Variants in ERRFI1 observed in about 807,000 individuals in gnomAD.
ERRFI1 encodes the protein ERBB receptor feedback inhibitor 1.
In ERRFI1, 12 loss-of-function variants were observed where a neutral mutation model predicts 14.6. The ratio of observed to expected loss-of-function variants is 0.82; its 90% CI spans 0.53 to 1.33. The LOEUF (loss-of-function observed/expected upper bound fraction) is 1.33, where lower values mean the gene tolerates loss of function less well. ERRFI1 is among the 40% of genes most tolerant of loss of function. ERRFI1 has a pLI of 0.00. For synonymous variants in ERRFI1, 202 were observed against 209.9 expected (o/e 0.96, Z 0.32); for missense variants, 482 against 572.1 (o/e 0.84, Z 1.61).
In ERRFI1 at chr1:8,012,827, C is replaced by T. The variant is rs1641105202; in HGVS notation, c.*383G>A. On this transcript the variant is annotated 3_prime_UTR_variant, in exon 4 of 4. Coordinates refer to ENST00000377482, the MANE Select transcript of ERRFI1 (RefSeq NM_018948.4). ...ATTTTCAGTCTATCAGGACTCATTT[C>T]TCCAGCTTGAGTTTATTATTCTGAA... The T allele has an allele frequency of 4.0e-6, 1 of 250,640 alleles. No individual in the cohort carries two copies. Among genetic ancestry groups the T allele is most frequent in the East Asian group, 5.7e-5 (1 of 17,462 alleles). The allele number at this position is 250,640 out of a possible 1,614,324, so 15.5% of individuals were successfully genotyped here.
In ERRFI1 at chr1:8,015,708, G is replaced by A; in HGVS notation, c.-73-16C>T. The A allele has an allele frequency of 6.6e-7, 1 of 1,523,356 alleles. No individual in the cohort carries two copies. The highest frequency in any genetic ancestry group is 2.0e-4 in the Middle Eastern group (1 of 4,902). The allele number at this position is 1,523,356 out of a possible 1,614,324, so 94.4% of individuals were successfully genotyped here. On this transcript the variant is annotated splice_polypyrimidine_tract_variant and intron_variant, in intron 1 of 3. Transcript: ENST00000377482. ...CTTTCATTCCCTGGGAGGTAGAAGA[G>A]ATGAGAGAATAAAGAAAACAATTCA...
At position 8,012,021 on chromosome 1, in the gene ERRFI1, A is replaced by G. The variant is rs1641091827; in HGVS notation, c.*1189T>C. On this transcript the variant is annotated 3_prime_UTR_variant, in exon 4 of 4. Transcript: ENST00000377482. Reference sequence around the variant, plus strand: ...TCTTCTGTGCTTATCTCTTCAAGATAAATACATGGAAGGATGTGAAAATCG... The same window carrying G: ...TCTTCTGTGCTTATCTCTTCAAGATGAATACATGGAAGGATGTGAAAATCG... 1 of 229,682 alleles carries G rather than the reference A, an allele frequency of 4.4e-6. No individual in the cohort carries two copies. The highest frequency in any genetic ancestry group is 8.7e-6 in the Non-Finnish European group (1 of 115,560). The allele number at this position is 229,682 out of a possible 1,614,324, so 14.2% of individuals were successfully genotyped here. A position where few individuals can be genotyped will look rare whatever the true frequency, so the allele number is the denominator to read the frequency against.
At position 8,015,477 on chromosome 1, in the gene ERRFI1, A is replaced by AT; in HGVS notation, c.125+17dup. 1 of 1,614,136 alleles carries AT rather than the reference A, an allele frequency of 6.2e-7. No individual in the cohort carries two copies. Among genetic ancestry groups the AT allele is most frequent in the Admixed American group, 1.7e-5 (1 of 60,018 alleles). On this transcript the variant is annotated intron_variant, in intron 2 of 3. Coordinates refer to ENST00000377482, the MANE Select transcript of ERRFI1 (RefSeq NM_018948.4). Reference sequence around the variant, plus strand: ...ACATATTTATCCAGATTACAGCAGCATTACATCCTCTACTTACTTTTTAAA... The same window carrying AT: ...ACATATTTATCCAGATTACAGCAGCATTTACATCCTCTACTTACTTTTTAAA...
rs1385605827 is a variant in ERRFI1, at chr1:8,012,576, G to A, written c.*634C>T. 8.5e-5 allele frequency: 19 copies of A among 224,558 alleles called. No individual in the cohort carries two copies. Among genetic ancestry groups the A allele is most frequent in the Non-Finnish European group, 1.5e-4 (17 of 112,658 alleles). 13.9% of individuals were successfully genotyped at this position (224,558 alleles called of 1,614,324 possible). On this transcript the variant is annotated 3_prime_UTR_variant, in exon 4 of 4. Transcript: ENST00000377482. ...CCTGCTCTCCCTCCCTCAACAAGAC[G>A]CAACATGAAACCTGGAAGTATGAGG...
intron 1 of ERRFI1, among the ~76,000 whole-genome samples, chr1:8,024,970 C>T (rs61772694): frequency 0.011 from 1,745 of 152,208 alleles, 11 homozygotes; most frequent in Non-Finnish European, 0.021. Context: ...TGTTCAGTCT[C>T]AACAAATGTG....
intron 1 of ERRFI1, among the ~76,000 whole-genome samples, chr1:8,019,612 A>G (rs960378758): frequency 3.2e-4 from 49 of 152,368 alleles, no homozygotes; most frequent in African/African-American, 1.1e-3. Context: ...AAAAGTAATG[A>G]CATGAAAGAT....
intron 1 of ERRFI1, among the ~76,000 whole-genome samples, chr1:8,025,849 C>A (rs1217090871): frequency 6.6e-6 from 1 of 152,104 alleles, no homozygotes; most frequent in Non-Finnish European, 1.5e-5. Flanking sequence ...AGCCGAGGGG[C>A]CGCGCGACGA....
intron 3 of ERRFI1, chr1:8,014,606 ACTATCTCCT>A: frequency 1.8e-6 from 1 of 554,252 alleles, no homozygotes; most frequent in Non-Finnish European, 3.1e-6. Context: ...CAAAGAACAA[ACTATCTCCT>A]CTATCTCCCT....
At chr1:8,016,901 GTTTTTT>G (rs770570747) in intron 1 of ERRFI1, among the ~76,000 whole-genome samples, 1 of 140,784 alleles carries the variant, frequency 7.1e-6, no homozygotes, top group Non-Finnish European at 1.6e-5. Flanking sequence ...AGGTACACAG[GTTTTTT>G]TTTTTGTTTT....
rs1459123938 is a variant in ERRFI1, at chr1:8,013,813, T to C, written c.786A>G (p.Ile262Met). Residue 262 changes from isoleucine (I) to methionine (M), a missense_variant, in exon 4 of 4, where the codon ATA becomes ATG. Physicochemically the swap from Ile to Met is conservative, Grantham distance 10 (BLOSUM62 1). Transcript: ENST00000377482. The surrounding 1 kb of genome is among the most constrained non-coding windows in gnomAD (Gnocchi z 4.3). The stretch of plus-strand genomic sequence containing the variant: ...TGTGTATACAACAGTTGGATATCCT[T>C]ATGGCTGGCTTGTTAAAGGAGCCAG... ...GPAGSFNKPA[I>M]RISNCCIHRA... 1.2e-6 allele frequency: 2 copies of C among 1,614,134 alleles called. No homozygotes were observed. The highest frequency in any genetic ancestry group is 2.2e-5 in the South Asian group (2 of 91,076).
Position 8,013,198 on chromosome 1 carries a change from T to C in ERRFI1, c.*12A>G. Reference sequence around the variant, plus strand: ...CTCCTATGTAACCTCTGCTGAACCATGACCCCAAGGTCTAAGGAGAAACCA... The same window carrying C: ...CTCCTATGTAACCTCTGCTGAACCACGACCCCAAGGTCTAAGGAGAAACCA... On this transcript the variant is annotated 3_prime_UTR_variant, in exon 4 of 4. Transcript: ENST00000377482. The surrounding 1 kb of genome is among the most constrained non-coding windows in gnomAD (Gnocchi z 4.3). 1 of 1,581,954 alleles carries C rather than the reference T, an allele frequency of 6.3e-7. No homozygotes were observed. Among genetic ancestry groups the C allele is most frequent in the South Asian group, 1.2e-5 (1 of 85,936 alleles).
intron 1 of ERRFI1, 115 bp from the exon 2 acceptor site, chr1:8,015,807 A>G: frequency 1.5e-6 from 1 of 648,096 alleles, no homozygotes; most frequent in Non-Finnish European, 2.5e-6. Context: ...AATAGAAAAA[A>G]TTAGTTGTAG....
At chr1:8,015,274 A>G (rs1419542623) in intron 3 of ERRFI1, 34 bp downstream of exon 3, 1 of 1,586,616 alleles carries the variant, frequency 6.3e-7, no homozygotes, top group African/African-American at 1.3e-5. Flanking sequence ...TTCTTCTCAA[A>G]TGCTTACTGT....
intron 3 of ERRFI1, 195 bp downstream of exon 3, chr1:8,015,113 A>AGAAT: frequency 1.7e-6 from 1 of 574,792 alleles, no homozygotes; most frequent in Non-Finnish European, 3.1e-6. Context: ...TCAGTGACTC[A>AGAAT]GAATGAAGGC....
At position 8,013,752 on chromosome 1, in the gene ERRFI1, C is replaced by T; in HGVS notation, c.847G>A (p.Val283Ile). The change falls in exon 4 of 4, where the codon GTT (valine) becomes ATT (isoleucine). Residue 283 changes from valine (V) to isoleucine (I), a missense_variant. Transcript: ENST00000377482. The surrounding 1 kb of genome is among the most constrained non-coding windows in gnomAD (Gnocchi z 4.3). ...SPNSDEDKPE[V>I]PPRVPIPPRP... Reference sequence around the variant, plus strand: ...GGAGGTATGGGAACTCTGGGGGGAACCTCAGGTTTGTCTTCATCGGAGTTA... The same window carrying T: ...GGAGGTATGGGAACTCTGGGGGGAATCTCAGGTTTGTCTTCATCGGAGTTA... The T allele has an allele frequency of 1.9e-6, 3 of 1,614,122 alleles. No individual in the cohort carries two copies. The highest frequency in any genetic ancestry group is 2.5e-6 in the Non-Finnish European group (3 of 1,180,018).
At chr1:8,019,443 CTT>C (rs1641246301) in intron 1 of ERRFI1, among the ~76,000 whole-genome samples, 1 of 152,162 alleles carries the variant, frequency 6.6e-6, no homozygotes, top group African/African-American at 2.4e-5. Flanking sequence ...GTGCTCTGTT[CTT>C]GTGTTATTTT....
rs1043666892 is a variant in ERRFI1 at position 8,026,110 on chromosome 1, GAGCGCTGCGTGGCCCTCCCCACCCCCTC to G, written c.-74+20_-74+47del. The G allele has an allele frequency of 2.0e-5, 3 of 151,710 alleles. No homozygotes were observed. Among genetic ancestry groups the G allele is most frequent in the African/African-American group, 7.3e-5 (3 of 41,370 alleles). The allele number at this position is 151,710 out of a possible 1,614,324, so 9.4% of individuals were successfully genotyped here. ...CGGCGCGGGGCCCCCTGAGGGAACG[GAGCGCTGCGTGGCCCTCCCCACCCCCTC>G]AGCGCGCCAGGCCCCTTACCCCGGA... On this transcript the variant is annotated intron_variant, in intron 1 of 3. Transcript: ENST00000377482.
rs533241799 is a variant in ERRFI1 at position 8,018,269 on chromosome 1, T to A, written c.-73-2577A>T. ...TGCTATAGGTTTGGAAGGAAGCTTTTAAAAAAAATGTTTCTCAGATTGTAA... is the reference window on the plus strand; with the variant it reads ...TGCTATAGGTTTGGAAGGAAGCTTTAAAAAAAAATGTTTCTCAGATTGTAA... On this transcript the variant is annotated intron_variant, in intron 1 of 3. Transcript: ENST00000377482. Among the ~76,000 whole-genome samples the A allele has an allele frequency of 3.5e-3, 514 of 147,394 alleles. 4 individuals are homozygous for A. The highest frequency in any genetic ancestry group is 0.025 in the Middle Eastern group (7 of 284).
chr1:8,025,954 T>C (rs1300185596), intron 1 of ERRFI1, among the ~76,000 whole-genome samples: 1 of 151,338 alleles, frequency 6.6e-6, no homozygotes, highest in Non-Finnish European at 1.5e-5. Flanking sequence ...TCTCCACACC[T>C]CAATGGGGAG....
Sources: allele counts gnomAD v4.1 joint callset (sites outside exome capture counted in the v4.1 genomes callset), GRCh38; gene constraint gnomAD v4.1.1; non-coding constraint Gnocchi (gnomAD v3.1); transcripts MANE v1.5; gene names NCBI Gene and HGNC (gene_info 2026-07-23, HGNC 2026-07-21).